TBC1D5: variants seen among roughly 807,000 people sequenced by gnomAD.
TBC1D5 encodes the protein TBC1 domain family member 5.
TBC1D5 carries 75 observed loss-of-function variants against 100.3 expected under a neutral mutation model. The observed-to-expected ratio is 0.75, with a 90% CI of 0.62 to 0.91. The LOEUF is 0.91. Ranked by LOEUF, TBC1D5 falls within the 40% of genes least tolerant of loss-of-function variation. TBC1D5 has a pLI of 0.00. For synonymous variants in TBC1D5, 323 were observed against 325.6 expected (o/e 0.99, Z 0.09); for missense variants, 910 against 942.4 (o/e 0.97, Z 0.45).
chr3:17,659,421 T>C (rs73030322), intron 1 of TBC1D5, among the ~76,000 whole-genome samples: 4,216 of 152,124 alleles, frequency 0.028, 103 homozygotes, highest in Non-Finnish European at 0.05. Context: ...ACCTGTTAGA[T>C]GTTACAGATA....
At chr3:17,454,909 G>T (rs1187057712) in intron 3 of TBC1D5, among the ~76,000 whole-genome samples, 4 of 151,750 alleles carry the variant, frequency 2.6e-5, no homozygotes, top group Admixed American at 6.6e-5. Flanking sequence ...AACTATCAAA[G>T]ATTGATGAAA....
intron 12 of TBC1D5, among the ~76,000 whole-genome samples, chr3:17,373,480 T>C (rs1327945295): frequency 6.6e-6 from 1 of 152,128 alleles, no homozygotes; most frequent in African/African-American, 2.4e-5. Context: ...TGAAGGTTAG[T>C]TTGAAAATAT....
At chr3:17,277,590 T>C (rs1191107337) in intron 15 of TBC1D5, among the ~76,000 whole-genome samples, 1 of 152,204 alleles carries the variant, frequency 6.6e-6, no homozygotes, top group African/African-American at 2.4e-5. Context: ...GTAAACACTA[T>C]TGTTGGAAGG....
chr3:17,673,311 CTTT>C (rs374496313), intron 1 of TBC1D5, among the ~76,000 whole-genome samples: 5 of 125,974 alleles, frequency 4.0e-5, no homozygotes, highest in Admixed American at 8.7e-5. Context: ...CTTTTCTTTT[CTTT>C]TTTTTTTTTT....
In TBC1D5 at chr3:17,595,926, G is replaced by A. The variant is rs189063621; in HGVS notation, c.-36+27923C>T. Among the ~76,000 whole-genome samples, 562 of 152,294 alleles carry A rather than the reference G, an allele frequency of 3.7e-3. 4 individuals carry two copies. Among genetic ancestry groups the A allele is most frequent in the Non-Finnish European group, 6.1e-3 (414 of 68,024 alleles). Reference sequence around the variant, plus strand: ...AAATGTTAAGTGAAGATTCTGACACGATACATAGGGTTGTGCATCACTATT... The same window carrying A: ...AAATGTTAAGTGAAGATTCTGACACAATACATAGGGTTGTGCATCACTATT... On this transcript the variant is annotated intron_variant, in intron 2 of 21. Coordinates refer to ENST00000253692, the Ensembl canonical transcript of TBC1D5.
chr3:17,518,529 C>T (rs895615280), intron 2 of TBC1D5, among the ~76,000 whole-genome samples: 1 of 152,222 alleles, frequency 6.6e-6, no homozygotes, highest in Admixed American at 6.5e-5. Context: ...TTTCCAGCTC[C>T]CCTTCCCACT....
rs1449473468 is a variant in TBC1D5, at chr3:17,475,185, C to CG, written c.97+33288_97+33289insC. On this transcript the variant is annotated intron_variant, in intron 3 of 21. Coordinates refer to ENST00000253692, the Ensembl canonical transcript of TBC1D5. ...GGTGGTTCTACCTTGCCCCGCCCCA[C>CG]CCGTTTATATATTCCCAAATCTAAC... is the stretch of plus-strand genomic sequence containing the variant. Among the ~76,000 whole-genome samples the CG allele has an allele frequency of 1.6e-3, 243 of 148,582 alleles. 2 individuals are homozygous for CG. The highest frequency in any genetic ancestry group is 6.0e-3 in the African/African-American group (234 of 39,054).
At chr3:17,611,267 T>C (rs964322684) in intron 2 of TBC1D5, among the ~76,000 whole-genome samples, 1 of 152,134 alleles carries the variant, frequency 6.6e-6, no homozygotes, top group African/African-American at 2.4e-5. Flanking sequence ...TGGGCAGACA[T>C]AAATCCTGAT....
chr3:17,366,494 A>C (rs1368310274), intron 13 of TBC1D5, among the ~76,000 whole-genome samples: 2 of 152,120 alleles, frequency 1.3e-5, no homozygotes, highest in Non-Finnish European at 2.9e-5. Flanking sequence ...CTTTCTGAAA[A>C]ATAATAATTC....
intron 1 of TBC1D5, among the ~76,000 whole-genome samples, chr3:17,666,176 G>A (rs1252667881): frequency 1.3e-5 from 2 of 152,074 alleles, no homozygotes; most frequent in Admixed American, 6.6e-5. Context: ...TGTTTTTGCA[G>A]TAACTTTCCT....
intron 18 of TBC1D5, among the ~76,000 whole-genome samples, chr3:17,201,674 T>C (rs1046083018): frequency 2.0e-5 from 3 of 152,100 alleles, no homozygotes; most frequent in South Asian, 2.1e-4. Flanking sequence ...TTGTGATGGG[T>C]TCTCATGAAA....
intron 2 of TBC1D5, among the ~76,000 whole-genome samples, chr3:17,551,052 CTG>C (rs767136660): frequency 2.6e-4 from 40 of 151,078 alleles, no homozygotes; most frequent in Non-Finnish European, 4.3e-4. Flanking sequence ...GTAAATAGCT[CTG>C]TGTGTGTGTG....
chr3:17,437,275 T>C (rs2094552424), intron 3 of TBC1D5, among the ~76,000 whole-genome samples: 1 of 152,174 alleles, frequency 6.6e-6, no homozygotes. Flanking sequence ...CAGTCAGTGA[T>C]ATTCTGCTAT....
chr3:17,239,837 A>G (rs1336992965), intron 16 of TBC1D5, among the ~76,000 whole-genome samples: 1 of 152,184 alleles, frequency 6.6e-6, no homozygotes. Context: ...AGTTATGATT[A>G]CAGATTATTT....
intron 1 of TBC1D5, among the ~76,000 whole-genome samples, chr3:17,656,677 A>G (rs1052279245): frequency 6.6e-6 from 1 of 151,996 alleles, no homozygotes; most frequent in African/African-American, 2.4e-5. Context: ...CCCAGATCCT[A>G]CTCTTCAGGA....
chr3:17,600,651 T>C (rs1267689412), intron 2 of TBC1D5, among the ~76,000 whole-genome samples: 1 of 152,212 alleles, frequency 6.6e-6, no homozygotes, highest in Non-Finnish European at 1.5e-5. Flanking sequence ...TGATGTCATA[T>C]GACAAGACTT....
intron 1 of TBC1D5, among the ~76,000 whole-genome samples, chr3:17,736,294 G>A (rs977869558): frequency 1.6e-4 from 25 of 151,912 alleles, no homozygotes; most frequent in Non-Finnish European, 2.6e-4. Flanking sequence ...AAATTAAAAA[G>A]GTAGATCTAT....
intron 13 of TBC1D5, among the ~76,000 whole-genome samples, chr3:17,339,462 C>T (rs1049363746): frequency 1.3e-5 from 2 of 152,186 alleles, no homozygotes; most frequent in African/African-American, 4.8e-5. Flanking sequence ...AATAACTTAT[C>T]TGATGACCCA....
intron 1 of TBC1D5, among the ~76,000 whole-genome samples, chr3:17,638,573 G>C (rs1162731952): frequency 6.6e-6 from 1 of 152,064 alleles, no homozygotes; most frequent in African/African-American, 2.4e-5. Context: ...GTAATATAAA[G>C]TATAAATTTC....
Sources: allele counts gnomAD v4.1 joint callset (sites outside exome capture counted in the v4.1 genomes callset), GRCh38; gene constraint gnomAD v4.1.1; transcripts MANE v1.5; gene names NCBI Gene and HGNC (gene_info 2026-07-23, HGNC 2026-07-21).